The following CTNNA2 variants were observed in gnomAD, a reference collection of about 807,000 sequenced individuals.
CTNNA2 encodes catenin alpha-2.
In CTNNA2, 42 loss-of-function variants were observed where a neutral mutation model predicts 101.0. The observed-to-expected ratio is 0.42, with a 90% CI of 0.32 to 0.54. CTNNA2 has a LOEUF of 0.54. Among genes scored for constraint, CTNNA2 ranks in the 20% least tolerant of loss-of-function variants. The probability of loss-of-function intolerance (pLI) is 0.14; values close to 1 mark genes in which losing one functional copy is unlikely to be tolerated. For missense variants in CTNNA2, 871 were observed against 1,223.1 expected (o/e 0.71, Z 4.29); for synonymous variants, 450 against 456.4 (o/e 0.99, Z 0.18).
At chr2:79,330,678 A>T (rs1030494450) in intron 3 of CTNNA2, among the ~76,000 whole-genome samples, 6 of 152,186 alleles carry the variant, frequency 3.9e-5, no homozygotes, top group African/African-American at 1.2e-4. Context: ...TGCTGTTCGC[A>T]TGATAGTGAA....
At chr2:79,242,212 G>T (rs932645079) in intron 2 of CTNNA2, among the ~76,000 whole-genome samples, 4 of 151,860 alleles carry the variant, frequency 2.6e-5, no homozygotes, top group Admixed American at 6.6e-5. Flanking sequence ...GGCACATTTG[G>T]GTAATTTCTT....
intron 7 of CTNNA2, among the ~76,000 whole-genome samples, chr2:80,126,601 TCCC>T (rs1702124415): frequency 3.9e-5 from 1 of 25,826 alleles, no homozygotes; most frequent in Non-Finnish European, 7.4e-5. Context: ...CCTCCCTCCC[TCCC>T]TCCCTCCCTC....
chr2:79,765,324 C>G (rs886494995), intron 3 of CTNNA2, among the ~76,000 whole-genome samples: 1 of 152,134 alleles, frequency 6.6e-6, no homozygotes, highest in Admixed American at 6.6e-5. Flanking sequence ...ACACAAGTCA[C>G]TAGTACTTTC....
At chr2:79,885,232 A>G (rs1178637901) in intron 6 of CTNNA2, among the ~76,000 whole-genome samples, 1 of 52,896 alleles carries the variant, frequency 1.9e-5, no homozygotes, top group Non-Finnish European at 4.1e-5. Flanking sequence ...AGAGGCCCAA[A>G]TATAAGACCT....
chr2:80,602,445 G>A (rs1261942933), intron 15 of CTNNA2, among the ~76,000 whole-genome samples: 1 of 151,966 alleles, frequency 6.6e-6, no homozygotes, highest in East Asian at 1.9e-4. Context: ...ACAATTGTTA[G>A]CAATGCAGAA....
intron 17 of CTNNA2, among the ~76,000 whole-genome samples, chr2:80,609,823 G>GCA (rs1698314158): frequency 6.6e-6 from 1 of 151,592 alleles, no homozygotes; most frequent in Non-Finnish European, 1.5e-5. Flanking sequence ...CCTCATCTGG[G>GCA]CAATTTTTAC....
At chr2:79,282,754 G>T (rs1675430983) in intron 2 of CTNNA2, among the ~76,000 whole-genome samples, 1 of 135,366 alleles carries the variant, frequency 7.4e-6, no homozygotes, top group Admixed American at 7.9e-5. Flanking sequence ...ATGATTTATA[G>T]TCCTTCGGGT....
chr2:79,872,220 T>C (rs1195605190), intron 5 of CTNNA2, among the ~76,000 whole-genome samples: 1 of 152,202 alleles, frequency 6.6e-6, no homozygotes, highest in African/African-American at 2.4e-5. Flanking sequence ...TACTCCAATA[T>C]GAATGTTTCA....
chr2:80,491,561 G>C (rs746068872), intron 9 of CTNNA2, among the ~76,000 whole-genome samples: 1 of 152,166 alleles, frequency 6.6e-6, no homozygotes, highest in Non-Finnish European at 1.5e-5. Flanking sequence ...TGTAACAAGG[G>C]AAAATTAAAA....
intron 7 of CTNNA2, among the ~76,000 whole-genome samples, chr2:80,006,105 T>C (rs1488932124): frequency 3.3e-5 from 5 of 152,128 alleles, no homozygotes; most frequent in African/African-American, 1.2e-4. Flanking sequence ...CTTGATATAG[T>C]AGCTTCCTAA....
chr2:80,281,019 T>C (rs1048355527), intron 7 of CTNNA2, among the ~76,000 whole-genome samples: 7 of 152,146 alleles, frequency 4.6e-5, no homozygotes, highest in African/African-American at 1.7e-4. Context: ...ATTTTTGAAA[T>C]GCTGCAGGGA....
intron 3 of CTNNA2, among the ~76,000 whole-genome samples, chr2:79,328,237 G>T (rs570907161): frequency 3.3e-5 from 5 of 152,100 alleles, no homozygotes; most frequent in Non-Finnish European, 1.5e-5. Context: ...AAAAATGTAA[G>T]CCTGTAGGAT....
chr2:80,524,015 C>T (rs145256023), intron 9 of CTNNA2, among the ~76,000 whole-genome samples: 59 of 152,162 alleles, frequency 3.9e-4, no homozygotes, highest in African/African-American at 1.3e-3. Context: ...TTGCTCTTGG[C>T]GCTGAGGAGT....
intron 7 of CTNNA2, among the ~76,000 whole-genome samples, chr2:80,084,498 A>G (rs796748608): frequency 7.9e-5 from 12 of 152,196 alleles, no homozygotes; most frequent in African/African-American, 2.6e-4. Flanking sequence ...TATATATGAC[A>G]GTACTCTTCT....
chr2:79,806,659 C>T (rs999294576), intron 3 of CTNNA2, among the ~76,000 whole-genome samples: 3 of 151,932 alleles, frequency 2.0e-5, no homozygotes, highest in African/African-American at 7.3e-5. Context: ...CCCAGTCTCC[C>T]ACGTTTGCCT....
At chr2:80,008,644 G>C (rs988348665) in intron 7 of CTNNA2, among the ~76,000 whole-genome samples, 1 of 152,198 alleles carries the variant, frequency 6.6e-6, no homozygotes, top group Non-Finnish European at 1.5e-5. Context: ...TCTACAGTCA[G>C]ACTGCCTGGG....
rs560841060 is a variant in CTNNA2 at position 79,382,797 on chromosome 2, A to G, written c.-135+8784A>G. On this transcript the variant is annotated intron_variant, in intron 4 of 21. Coordinates refer to the CTNNA2 transcript ENST00000466387. The stretch of plus-strand genomic sequence containing the variant: ...CCCGGCTAATTTTTCATATTTTTTA[A>G]TAGAGAGGGGGTTTCACTGTGTTAG... Among the ~76,000 whole-genome samples the G allele has an allele frequency of 2.1e-3, 322 of 152,140 alleles. 7 individuals are homozygous for G. The South Asian group carries it at 0.028, about 13-fold the overall frequency.
chr2:80,449,884 A>G (rs966563483), intron 9 of CTNNA2, among the ~76,000 whole-genome samples: 5 of 152,184 alleles, frequency 3.3e-5, no homozygotes, highest in African/African-American at 9.6e-5. Context: ...TAAAGTATTT[A>G]CTGTTGTTCT....
chr2:80,374,874 T>C (rs181566825), intron 7 of CTNNA2, among the ~76,000 whole-genome samples: 1 of 152,182 alleles, frequency 6.6e-6, no homozygotes, highest in African/African-American at 2.4e-5. Flanking sequence ...CAATGTGAAT[T>C]TGAGGATGGG....
Sources: gnomAD v4.1 joint callset for allele counts (sites outside exome capture counted in the v4.1 genomes callset) on GRCh38, gnomAD v4.1.1 for gene constraint, MANE v1.5 for transcripts, NCBI Gene and HGNC (gene_info 2026-07-23, HGNC 2026-07-21) for gene names.